MAD1L1: variants seen among roughly 807,000 people sequenced by gnomAD.
The protein encoded by MAD1L1 is mitotic spindle assembly checkpoint protein MAD1.
A neutral mutation model predicts 96.9 loss-of-function variants in MAD1L1; 95 were observed. That is an observed-to-expected ratio of 0.98 (90% CI 0.83 to 1.16). The LOEUF (loss-of-function observed/expected upper bound fraction) is 1.16, where lower values mean the gene tolerates loss of function less well. Among genes scored for constraint, MAD1L1 ranks in the 50% most tolerant of loss-of-function variants. The pLI is 0.00. For synonymous variants in MAD1L1, 473 were observed against 396.6 expected (o/e 1.19, Z -2.29); for missense variants, 1,007 against 954.4 (o/e 1.06, Z -0.73).
intron 11 of MAD1L1, among the ~76,000 whole-genome samples, chr7:2,096,959 G>T (rs1042625121): frequency 2.0e-5 from 3 of 152,186 alleles, no homozygotes; most frequent in African/African-American, 7.2e-5. Flanking sequence ...CTCCAGGACT[G>T]CCAGGAATGA....
intron 6 of MAD1L1, 92 bp from the exon 7 acceptor site, chr7:2,218,135 A>T: frequency 2.1e-6 from 2 of 934,156 alleles, no homozygotes; most frequent in South Asian, 2.7e-5. Flanking sequence ...GCACAGACCC[A>T]CATACGTTCA....
chr7:1,942,442 C>T (rs1162542798), intron 16 of MAD1L1, among the ~76,000 whole-genome samples: 2 of 152,212 alleles, frequency 1.3e-5, no homozygotes, highest in Non-Finnish European at 2.9e-5. Context: ...TCGGAGCCCG[C>T]GCGCCACACA....
intron 12 of MAD1L1, among the ~76,000 whole-genome samples, chr7:2,022,634 T>TA (rs1179032399): frequency 6.6e-6 from 1 of 151,078 alleles, no homozygotes; most frequent in East Asian, 1.9e-4. Flanking sequence ...ACAAAGCAGA[T>TA]AAAGAAAAGA....
rs376530568 is a variant in MAD1L1 at position 1,861,155 on chromosome 7, C to T, written c.1998+37045G>A. Among the ~76,000 whole-genome samples the T allele has an allele frequency of 1.3e-3, 205 of 152,266 alleles. 5 individuals are homozygous for T. The South Asian group carries it at 0.038, about 28-fold the overall frequency. On this transcript the variant is annotated intron_variant, in intron 18 of 18. Coordinates refer to ENST00000265854, the MANE Select transcript of MAD1L1 (RefSeq NM_001013836.2). The stretch of plus-strand genomic sequence containing the variant: ...ATATTCAAACCACAACCACCAAAGA[C>T]GGGCAGGAGGCTGGTGACCCCCCGG...
At chr7:1,981,305 T>C (rs1338655309) in intron 14 of MAD1L1, among the ~76,000 whole-genome samples, 1 of 151,586 alleles carries the variant, frequency 6.6e-6, no homozygotes, top group African/African-American at 2.4e-5. Context: ...ACACCTAGGG[T>C]GGGAGGCATC....
At chr7:2,218,922 G>A (rs1473104222) in intron 6 of MAD1L1, among the ~76,000 whole-genome samples, 2 of 151,566 alleles carry the variant, frequency 1.3e-5, no homozygotes, top group East Asian at 3.9e-4. Flanking sequence ...TTAGCCAGGT[G>A]TACTGCACAT....
chr7:2,098,904 G>A (rs1313114988), intron 11 of MAD1L1, among the ~76,000 whole-genome samples: 2 of 152,208 alleles, frequency 1.3e-5, no homozygotes, highest in African/African-American at 4.8e-5. Flanking sequence ...GACGCTACTC[G>A]AACTGGACCT....
chr7:1,920,521 C>T (rs573237554), intron 17 of MAD1L1, among the ~76,000 whole-genome samples: 4 of 152,262 alleles, frequency 2.6e-5, no homozygotes, highest in East Asian at 1.9e-4. Flanking sequence ...GGGAACCCAT[C>T]GCATGGAGTT....
At chr7:2,096,006 G>C (rs550757601) in intron 11 of MAD1L1, among the ~76,000 whole-genome samples, 3 of 152,260 alleles carry the variant, frequency 2.0e-5, no homozygotes, top group Non-Finnish European at 4.4e-5. Flanking sequence ...CCTCAGGGTC[G>C]TTAGAATCGG....
intron 18 of MAD1L1, among the ~76,000 whole-genome samples, chr7:1,856,611 AT>A (rs1300404754): frequency 6.6e-6 from 1 of 152,208 alleles, no homozygotes; most frequent in East Asian, 1.9e-4. Context: ...GATAAGATTC[AT>A]TAATAAAGAA....
intron 12 of MAD1L1, among the ~76,000 whole-genome samples, chr7:2,064,512 A>G (rs563834690): frequency 3.8e-4 from 58 of 152,380 alleles, no homozygotes; most frequent in Middle Eastern, 3.4e-3. Flanking sequence ...GGAACATAGC[A>G]GGAAGAGAGC....
chr7:2,157,341 G>A (rs1483396825), intron 10 of MAD1L1, among the ~76,000 whole-genome samples: 1 of 152,116 alleles, frequency 6.6e-6, no homozygotes, highest in East Asian at 1.9e-4. Context: ...GCACTCAGAG[G>A]GCTCCTCCCC....
intron 11 of MAD1L1, among the ~76,000 whole-genome samples, chr7:2,130,178 G>A (rs559524423): frequency 2.6e-5 from 4 of 152,374 alleles, no homozygotes; most frequent in South Asian, 2.1e-4. Context: ...CGCAGCAGGT[G>A]CCTGGCTGGG....
intron 12 of MAD1L1, among the ~76,000 whole-genome samples, chr7:2,059,595 G>A (rs540470703): frequency 3.5e-4 from 51 of 145,784 alleles, no homozygotes; most frequent in African/African-American, 9.2e-4. Flanking sequence ...GGAGAGGCAC[G>A]GGGCTGGTGG....
intron 10 of MAD1L1, among the ~76,000 whole-genome samples, chr7:2,153,291 A>G (rs534748497): frequency 6.6e-6 from 1 of 152,352 alleles, no homozygotes; most frequent in Non-Finnish European, 1.5e-5. Flanking sequence ...TCTTCGGCCA[A>G]TAAGGGACTA....
At chr7:2,030,244 C>T (rs921935305) in intron 12 of MAD1L1, among the ~76,000 whole-genome samples, 14 of 152,208 alleles carry the variant, frequency 9.2e-5, no homozygotes, top group African/African-American at 1.7e-4. Context: ...AGGAGGTTCC[C>T]CCAGCCCACA....
chr7:1,965,548 C>G (rs955956113), intron 15 of MAD1L1, among the ~76,000 whole-genome samples: 1 of 152,222 alleles, frequency 6.6e-6, no homozygotes, highest in African/African-American at 2.4e-5. Flanking sequence ...CCAGCACTCA[C>G]CTGGGGGCCG....
At chr7:2,038,327 G>T (rs1014805262) in intron 12 of MAD1L1, among the ~76,000 whole-genome samples, 2 of 152,112 alleles carry the variant, frequency 1.3e-5, no homozygotes, top group African/African-American at 2.4e-5. Context: ...ATCCAGCTAA[G>T]AGCACCAATG....
chr7:1,841,125 G>C (rs1368045926), intron 18 of MAD1L1, among the ~76,000 whole-genome samples: 1 of 152,228 alleles, frequency 6.6e-6, no homozygotes, highest in African/African-American at 2.4e-5. Context: ...TGTTGGGCCT[G>C]AGCACGTCCC....
Sources: gnomAD v4.1 joint callset for allele counts (sites outside exome capture counted in the v4.1 genomes callset) on GRCh38, gnomAD v4.1.1 for gene constraint, MANE v1.5 for transcripts, NCBI Gene and HGNC (gene_info 2026-07-23, HGNC 2026-07-21) for gene names.